NDUFA5: variants seen among roughly 807,000 people sequenced by gnomAD.
The protein encoded by NDUFA5 is NADH dehydrogenase [ubiquinone] 1 alpha subcomplex subunit 5.
A neutral mutation model predicts 19.8 loss-of-function variants in NDUFA5; 11 were observed. The ratio of observed to expected loss-of-function variants is 0.56; its 90% CI spans 0.35 to 0.92. The LOEUF is 0.92. Ranked by LOEUF, NDUFA5 falls within the 40% of genes least tolerant of loss-of-function variation. NDUFA5 has a pLI of 0.01. For synonymous variants in NDUFA5, 47 were observed against 46.8 expected (o/e 1.00, Z -0.01); for missense variants, 109 against 134.2 (o/e 0.81, Z 0.93).
the NDUFA5 span, among the ~76,000 whole-genome samples, chr7:123,569,402 CA>C: frequency 6.6e-6 from 1 of 151,170 alleles, no homozygotes; most frequent in East Asian, 1.9e-4. Flanking sequence ...AGCTAGGGCC[CA>C]AAAAAAAGGC....
chr7:123,594,638 T>C, the NDUFA5 span, among the ~76,000 whole-genome samples: 5 of 152,172 alleles, frequency 3.3e-5, no homozygotes, highest in Non-Finnish European at 7.4e-5. Context: ...TATTGCTGCC[T>C]GATCCATCCT....
chr7:123,544,734 C>G (rs982194123), intron 4 of NDUFA5, among the ~76,000 whole-genome samples: 2 of 96,082 alleles, frequency 2.1e-5, no homozygotes, highest in African/African-American at 7.9e-5. Flanking sequence ...TTTAACCTTA[C>G]TAGCAATTGG....
chr7:123,553,170 T>C (rs1483161889), intron 2 of NDUFA5, among the ~76,000 whole-genome samples: 1 of 152,086 alleles, frequency 6.6e-6, no homozygotes, highest in Non-Finnish European at 1.5e-5. Flanking sequence ...TACTATCGAG[T>C]GTACTTATCT....
the NDUFA5 span, among the ~76,000 whole-genome samples, chr7:123,564,481 A>G: frequency 6.6e-6 from 1 of 152,192 alleles, no homozygotes; most frequent in East Asian, 1.9e-4. Flanking sequence ...CCCCAGAGAA[A>G]GAGAACCAGT....
the NDUFA5 span, among the ~76,000 whole-genome samples, chr7:123,572,203 G>A: frequency 7.6e-4 from 96 of 125,562 alleles, 1 homozygote; most frequent in Middle Eastern, 4.4e-3. Flanking sequence ...GTGCAGTGAC[G>A]CGATCTTGCC....
intron 3 of NDUFA5, 112 bp downstream of exon 3, chr7:123,550,358 G>C: frequency 1.4e-6 from 1 of 691,838 alleles, no homozygotes; most frequent in Non-Finnish European, 2.6e-6. Flanking sequence ...TGGGAAAAGA[G>C]CATTCAAGGA....
At chr7:123,588,276 C>A in the NDUFA5 span, among the ~76,000 whole-genome samples, 1 of 151,594 alleles carries the variant, frequency 6.6e-6, no homozygotes, top group African/African-American at 2.4e-5. Context: ...AGGTTTCTAG[C>A]ATTTGTCTAT....
chr7:123,547,727 G>A (rs868655085), intron 3 of NDUFA5, among the ~76,000 whole-genome samples: 8 of 152,110 alleles, frequency 5.3e-5, no homozygotes, highest in African/African-American at 9.7e-5. Context: ...AAAGTTCAAC[G>A]ACACTTTCAT....
intron 2 of NDUFA5, chr7:123,555,375 T>C (rs1160089274): frequency 6.6e-6 from 1 of 152,108 alleles, no homozygotes; most frequent in Non-Finnish European, 1.5e-5. Context: ...ACTATGGTAG[T>C]AACAATAGAA....
upstream of NDUFA5, chr7:123,558,125 A>T: frequency 2.1e-6 from 1 of 480,834 alleles, no homozygotes; most frequent in Admixed American, 3.3e-5. Flanking sequence ...CAGTCGCTGT[A>T]GGAACCTGCA....
the NDUFA5 span, among the ~76,000 whole-genome samples, chr7:123,595,102 C>T: frequency 1.3e-5 from 2 of 152,228 alleles, no homozygotes; most frequent in Admixed American, 6.5e-5. Context: ...GGACGTGGAA[C>T]TCGCTGAGCC....
rs1343541576 is a variant in NDUFA5 at position 123,540,718 on chromosome 7, C to T, written c.*1401G>A. On this transcript the variant is annotated 3_prime_UTR_variant, in exon 5 of 5. Transcript: ENST00000355749. Reference sequence around the variant, plus strand: ...GAGAAACCCTGGGCTTCTAACTCCCCCTCTAACACTTCCCCACCAGAAGGA... The same window carrying T: ...GAGAAACCCTGGGCTTCTAACTCCCTCTCTAACACTTCCCCACCAGAAGGA... 3.3e-5 allele frequency: 5 copies of T among 152,076 alleles called. No homozygotes were observed. Among genetic ancestry groups the T allele is most frequent in the Non-Finnish European group, 7.4e-5 (5 of 68,026 alleles). The allele number at this position is 152,076 out of a possible 1,614,324, so 9.4% of individuals were successfully genotyped here.
At chr7:123,584,472 G>C in the NDUFA5 span, among the ~76,000 whole-genome samples, 1 of 152,038 alleles carries the variant, frequency 6.6e-6, no homozygotes, top group Non-Finnish European at 1.5e-5. Flanking sequence ...CTCTATGGAA[G>C]TCACACTTAA....
the NDUFA5 span, among the ~76,000 whole-genome samples, chr7:123,591,030 G>T: frequency 6.6e-6 from 1 of 152,042 alleles, no homozygotes; most frequent in Non-Finnish European, 1.5e-5. Flanking sequence ...CTGTAAGGTG[G>T]ATTCCTAGGT....
At chr7:123,574,848 A>G in the NDUFA5 span, among the ~76,000 whole-genome samples, 1 of 151,410 alleles carries the variant, frequency 6.6e-6, no homozygotes, top group South Asian at 2.1e-4. Flanking sequence ...CCTCCAAAGT[A>G]CTCTTTTTAT....
At chr7:123,586,692 T>C in the NDUFA5 span, among the ~76,000 whole-genome samples, 1 of 151,802 alleles carries the variant, frequency 6.6e-6, no homozygotes, top group Non-Finnish European at 1.5e-5. Flanking sequence ...TTTTACAGTT[T>C]CAAGTCTTAA....
At chr7:123,598,684 C>T in the NDUFA5 span, 7 of 152,194 alleles carry the variant, frequency 4.6e-5, no homozygotes, top group South Asian at 6.2e-4. Flanking sequence ...ACAAAGTGAA[C>T]TTTGAAACCC....
chr7:123,594,594 T>A, the NDUFA5 span, among the ~76,000 whole-genome samples: 1 of 152,188 alleles, frequency 6.6e-6, no homozygotes, highest in Non-Finnish European at 1.5e-5. Context: ...CCTGTTTGCC[T>A]AGGTATCACC....
Position 123,539,490 on chromosome 7 carries a change from A to T in NDUFA5, c.*2629T>A, listed in dbSNP as rs1368856132. 1 of 152,198 alleles carries T rather than the reference A, an allele frequency of 6.6e-6. No homozygotes were observed. Among genetic ancestry groups the T allele is most frequent in the Non-Finnish European group, 1.5e-5 (1 of 68,036 alleles). The allele number at this position is 152,198 out of a possible 1,614,324, so 9.4% of individuals were successfully genotyped here. ...TTTCTTTTGAAGTATCTGCAGTATG[A>T]TGATTAACTAGAATGAAACCCATGG... On this transcript the variant is annotated 3_prime_UTR_variant, in exon 5 of 5. Coordinates refer to ENST00000355749, the MANE Select transcript of NDUFA5 (RefSeq NM_005000.5).
Sources: allele counts gnomAD v4.1 joint callset (sites outside exome capture counted in the v4.1 genomes callset), GRCh38; gene constraint gnomAD v4.1.1; transcripts MANE v1.5; gene names NCBI Gene and HGNC (gene_info 2026-07-23, HGNC 2026-07-21).